Variants in ITPR1 observed in about 807,000 individuals in gnomAD.
ITPR1 encodes the protein inositol 1,4,5-trisphosphate receptor type 1.
In ITPR1, 96 loss-of-function variants were observed where a neutral mutation model predicts 318.4. The observed-to-expected ratio is 0.30, with a 90% CI of 0.26 to 0.36. The LOEUF is 0.36. ITPR1 is among the 10% of genes least tolerant of loss of function. ITPR1 has a pLI of 1.00. For missense variants in ITPR1, 2,440 were observed against 3,460.2 expected (o/e 0.71, Z 7.40); for synonymous variants, 1,312 against 1,289.9 (o/e 1.02, Z -0.37).
intron 54 of ITPR1, among the ~76,000 whole-genome samples, chr3:4,803,023 T>C (rs996235052): frequency 1.3e-5 from 2 of 151,996 alleles, no homozygotes; most frequent in African/African-American, 4.8e-5. Context: ...TGGCTTGAGG[T>C]TTTGCAGCTG....
intron 47 of ITPR1, among the ~76,000 whole-genome samples, chr3:4,775,683 T>A (rs1212184422): frequency 6.6e-6 from 1 of 152,170 alleles, no homozygotes; most frequent in African/African-American, 2.4e-5. Flanking sequence ...TTGGCTTCAT[T>A]TGATTTGGTT....
intron 10 of ITPR1, among the ~76,000 whole-genome samples, chr3:4,646,948 G>A (rs1053930682): frequency 1.3e-5 from 2 of 152,016 alleles, no homozygotes; most frequent in Non-Finnish European, 2.9e-5. Context: ...GTATAGTAAA[G>A]TGCCCAAGTC....
chr3:4,559,149 C>T (rs1319339436), intron 4 of ITPR1, among the ~76,000 whole-genome samples: 1 of 137,192 alleles, frequency 7.3e-6, no homozygotes, highest in Non-Finnish European at 1.6e-5. Context: ...GCAACTGTGC[C>T]CACCTGAAAA....
At position 4,818,171 on chromosome 3, in the gene ITPR1, A is replaced by G; in HGVS notation, c.7957A>G (p.Ile2653Val). The G allele has an allele frequency of 6.2e-7, 1 of 1,606,692 alleles. No homozygotes were observed. The highest frequency in any genetic ancestry group is 8.5e-7 in the Non-Finnish European group (1 of 1,173,946). ...CAACATGTGGCACTATCTGTGCTTC[A>G]TCGTCCTGGTGAAAGTAAAGGACTC... The part of the protein sequence containing the change: ...EHNMWHYLCF[I>V]VLVKVKDSTE... Residue 2653 changes from isoleucine (I) to valine (V), a missense_variant, in exon 60 of 62, where the codon ATC (isoleucine) becomes GTC (valine). Ile to Val is a conservative substitution (Grantham distance 29, BLOSUM62 3). Transcript: ENST00000649015.
At chr3:4,825,660 T>C (rs528487658) in intron 60 of ITPR1, 4 of 451,722 alleles carry the variant, frequency 8.9e-6, no homozygotes, top group Non-Finnish European at 1.3e-5. Flanking sequence ...AAGCAACGTG[T>C]TAACAAGGGC....
At position 4,513,928 on chromosome 3, in the gene ITPR1, A is replaced by C. The variant is rs536287763; in HGVS notation, c.-16-2548A>C. On this transcript the variant is annotated intron_variant, in intron 2 of 61. Coordinates refer to ENST00000649015, the MANE Select transcript of ITPR1 (RefSeq NM_001378452.1). ...TGGCAAAACCCCATCTCTACAAAAA[A>C]TACAAACGTTTAGCCAGGCATGGCG... Among the ~76,000 whole-genome samples the C allele has an allele frequency of 9.2e-5, 14 of 152,294 alleles. No individual in the cohort carries two copies. The East Asian group carries it at 2.3e-3, about 25-fold the overall frequency.
intron 4 of ITPR1, among the ~76,000 whole-genome samples, chr3:4,554,572 G>A (rs550186229): frequency 1.3e-5 from 2 of 152,268 alleles, no homozygotes; most frequent in African/African-American, 4.8e-5. Context: ...GTCGTAGGGT[G>A]GCAGGCAGGC....
rs372433483 is a variant in ITPR1, at chr3:4,818,224, C to T, written c.8010C>T (p.Tyr2670=). The change falls in exon 60 of 62, where the codon TAC becomes TAT. Residue 2670 remains tyrosine, a synonymous_variant. Coordinates refer to ENST00000649015, the MANE Select transcript of ITPR1 (RefSeq NM_001378452.1). ...CCGAATATACTGGGCCTGAGAGTTACGTGGCAGAAATGATCAAGGTGAGTG... is the reference window on the plus strand; with the variant it reads ...CCGAATATACTGGGCCTGAGAGTTATGTGGCAGAAATGATCAAGGTGAGTG... ...DSTEYTGPES[Y]VAEMIKERNL... 58 of 1,570,366 alleles carry T rather than the reference C, an allele frequency of 3.7e-5. No individual in the cohort carries two copies. The highest frequency in any genetic ancestry group is 1.5e-4 in the African/African-American group (11 of 74,484).
At chr3:4,742,798 T>C (rs906115054) in intron 44 of ITPR1, among the ~76,000 whole-genome samples, 4 of 152,248 alleles carry the variant, frequency 2.6e-5, no homozygotes, top group Non-Finnish European at 5.9e-5. Context: ...ATACATGCTG[T>C]ATTTTGTGAA....
chr3:4,509,135 C>T (rs748580718), intron 2 of ITPR1, among the ~76,000 whole-genome samples: 2 of 152,182 alleles, frequency 1.3e-5, no homozygotes, highest in Non-Finnish European at 2.9e-5. Flanking sequence ...TTACTCCTCA[C>T]AATGACCCTG....
At chr3:4,602,801 G>A (rs147557650) in intron 4 of ITPR1, among the ~76,000 whole-genome samples, 9 of 152,016 alleles carry the variant, frequency 5.9e-5, no homozygotes, top group Non-Finnish European at 1.2e-4. Context: ...GTAAAATACC[G>A]AGAATTCATA....
Position 4,691,310 on chromosome 3 carries a change from T to G in ITPR1, c.3995T>G (p.Phe1332Cys). 2 of 1,613,316 alleles carry G rather than the reference T, an allele frequency of 1.2e-6. No homozygotes were observed. The highest frequency in any genetic ancestry group is 1.7e-6 in the Non-Finnish European group (2 of 1,179,388). ...ACAATTGTCAAGGCAGAAGGGAAAT[T>G]TATTAAAAAATGCCAAGACATGGTT... Reference protein sequence around the residue: ...LQTIVKAEGKFIKKCQDMVMA... With the variant: ...LQTIVKAEGKCIKKCQDMVMA... The change falls in exon 32 of 62, where the codon TTT (phenylalanine) becomes TGT (cysteine). Residue 1332 changes from phenylalanine (F) to cysteine (C), a missense_variant. By Grantham distance (205) the Phe-to-Cys change is radical (BLOSUM62 -2). Coordinates refer to ENST00000649015, the MANE Select transcript of ITPR1 (RefSeq NM_001378452.1).
At chr3:4,667,334 CATT>C in intron 17 of ITPR1, 40 bp from the exon 18 acceptor site, 1 of 1,476,306 alleles carries the variant, frequency 6.8e-7, no homozygotes, top group Non-Finnish European at 9.3e-7. Context: ...ACCATATTGT[CATT>C]TATCCTTCCT....
intron 4 of ITPR1, among the ~76,000 whole-genome samples, chr3:4,571,206 G>T (rs2087941520): frequency 1.3e-5 from 2 of 152,234 alleles, no homozygotes. Flanking sequence ...AAAGTTTCAT[G>T]TCAGAGGGCA....
At chr3:4,568,711 G>A (rs1455401435) in intron 4 of ITPR1, among the ~76,000 whole-genome samples, 1 of 152,206 alleles carries the variant, frequency 6.6e-6, no homozygotes, top group African/African-American at 2.4e-5. Flanking sequence ...TTGTGTGGCT[G>A]GAATAGAGGG....
intron 4 of ITPR1, among the ~76,000 whole-genome samples, chr3:4,594,805 T>C (rs904866447): frequency 6.6e-6 from 1 of 151,956 alleles, no homozygotes; most frequent in African/African-American, 2.4e-5. Context: ...TGTCATCTCC[T>C]ATAATAAAGT....
chr3:4,513,044 A>G (rs2081950147), intron 2 of ITPR1, among the ~76,000 whole-genome samples: 1 of 152,078 alleles, frequency 6.6e-6, no homozygotes, highest in Non-Finnish European at 1.5e-5. Context: ...GGTCCTTGTC[A>G]TGGTGTGAGT....
At chr3:4,834,978 G>A (rs1486067786) in intron 60 of ITPR1, among the ~76,000 whole-genome samples, 1 of 152,112 alleles carries the variant, frequency 6.6e-6, no homozygotes, top group Non-Finnish European at 1.5e-5. Context: ...TTATTAGGGT[G>A]CATGCAGAAG....
At chr3:4,844,123 A>ATTTTT (rs34975561) in intron 61 of ITPR1, among the ~76,000 whole-genome samples, 3,212 of 140,462 alleles carry the variant, frequency 0.023, 156 homozygotes, top group African/African-American at 0.081. Context: ...GCAGACCAAG[A>ATTTTT]TTTTTTTTTT....
Sources: gnomAD v4.1 joint callset for allele counts (sites outside exome capture counted in the v4.1 genomes callset) on GRCh38, gnomAD v4.1.1 for gene constraint, MANE v1.5 for transcripts, NCBI Gene and HGNC (gene_info 2026-07-23, HGNC 2026-07-21) for gene names.